CHRM3: variants seen among roughly 807,000 people sequenced by gnomAD.
CHRM3 encodes muscarinic acetylcholine receptor M3.
A neutral mutation model predicts 41.8 loss-of-function variants in CHRM3; 11 were observed. The observed-to-expected ratio is 0.26, with a 90% CI of 0.17 to 0.44. CHRM3 has a LOEUF of 0.44. Ranked by LOEUF, CHRM3 falls within the 20% of genes least tolerant of loss-of-function variation. CHRM3 has a pLI of 1.00. For missense variants in CHRM3, 571 were observed against 745.4 expected, an observed-to-expected ratio of 0.77 and a Z score of 2.72; for synonymous variants, 297 against 301.4, an observed-to-expected ratio of 0.99 and a Z score of 0.15.
chr1:239,721,607 G>T (rs1287013501), intron 5 of CHRM3, among the ~76,000 whole-genome samples: 5 of 151,824 alleles, frequency 3.3e-5, no homozygotes, highest in African/African-American at 1.2e-4. Flanking sequence ...CCCTCCTAAA[G>T]GATTGAAAAG....
chr1:239,693,407 A>C (rs556982814), intron 5 of CHRM3, among the ~76,000 whole-genome samples: 185 of 152,256 alleles, frequency 1.2e-3, no homozygotes, highest in Non-Finnish European at 2.3e-3. Flanking sequence ...AGAAGGTGGC[A>C]TTCTGCAAGC....
In CHRM3 at chr1:239,914,817, G is replaced by C. The variant is rs1680558713; in HGVS notation, c.*5593G>C. ...TGCTTGGCGTGGAAAGTTATTAGGA[G>C]ACAATCCTTTATCCTGTTCTGCAAG... is the stretch of plus-strand genomic sequence containing the variant. On this transcript the variant is annotated 3_prime_UTR_variant, in exon 7 of 7. Coordinates refer to ENST00000676153, the MANE Select transcript of CHRM3 (RefSeq NM_001375978.1). 6.0e-6 allele frequency: 1 copy of C among 166,808 alleles called. No homozygotes were observed. The highest frequency in any genetic ancestry group is 2.4e-5 in the African/African-American group (1 of 41,436). The allele number at this position is 166,808 out of a possible 1,614,324, so 10.3% of individuals were successfully genotyped here.
intron 6 of CHRM3, among the ~76,000 whole-genome samples, chr1:239,875,351 ACT>A (rs1415997390): frequency 1.4e-4 from 22 of 152,182 alleles, no homozygotes; most frequent in African/African-American, 4.6e-4. Context: ...GGACTATTCG[ACT>A]CTGTTGTAGT....
chr1:239,878,190 T>G (rs921694102), intron 6 of CHRM3, among the ~76,000 whole-genome samples: 2 of 152,052 alleles, frequency 1.3e-5, no homozygotes, highest in Non-Finnish European at 2.9e-5. Flanking sequence ...TAATATATAA[T>G]GAAATAATTA....
intron 2 of CHRM3, among the ~76,000 whole-genome samples, chr1:239,541,776 G>T (rs1658806292): frequency 6.6e-6 from 1 of 152,300 alleles, no homozygotes; most frequent in East Asian, 1.9e-4. Flanking sequence ...GCCTCCCGAA[G>T]TGTTGGGATT....
At chr1:239,677,919 C>G (rs753416326) in intron 4 of CHRM3, among the ~76,000 whole-genome samples, 1 of 152,170 alleles carries the variant, frequency 6.6e-6, no homozygotes, top group Non-Finnish European at 1.5e-5. Flanking sequence ...AAACCATAAG[C>G]TGAGGCATTT....
In CHRM3 at chr1:239,609,573, C is replaced by T. The variant is rs1054149765; in HGVS notation, c.-312-22651C>T. On this transcript the variant is annotated intron_variant, in intron 3 of 6. Transcript: ENST00000676153. ...TAAATTTTTAGGAAACTGCCAAACTCTTTTTTCAAAACGGTTATAGCATTT... is the reference window on the plus strand; with the variant it reads ...TAAATTTTTAGGAAACTGCCAAACTTTTTTTTCAAAACGGTTATAGCATTT... 3.9e-5 allele frequency among the ~76,000 whole-genome samples: 6 copies of T among 152,228 alleles called. 1 individual carries two copies. The highest frequency in any genetic ancestry group is 1.4e-4 in the African/African-American group (6 of 41,556).
intron 2 of CHRM3, among the ~76,000 whole-genome samples, chr1:239,502,212 A>G (rs1179066889): frequency 6.6e-6 from 1 of 152,194 alleles, no homozygotes; most frequent in East Asian, 1.9e-4. Context: ...AACAAGAGGG[A>G]AAATCAAAAT....
At chr1:239,829,023 T>G (rs895369604) in intron 6 of CHRM3, among the ~76,000 whole-genome samples, 1 of 152,212 alleles carries the variant, frequency 6.6e-6, no homozygotes, top group Non-Finnish European at 1.5e-5. Context: ...CTGCAGCAGG[T>G]GTGCAGACAC....
At chr1:239,611,634 T>C (rs1221565090) in intron 3 of CHRM3, among the ~76,000 whole-genome samples, 1 of 152,068 alleles carries the variant, frequency 6.6e-6, no homozygotes, top group Admixed American at 6.5e-5. Context: ...TTGGCCAGGA[T>C]GGTCTTGATC....
At chr1:239,408,533 A>AC (rs1553294735) in intron 1 of CHRM3, among the ~76,000 whole-genome samples, 1 of 151,074 alleles carries the variant, frequency 6.6e-6, no homozygotes, top group African/African-American at 2.4e-5. Context: ...AAAAAAAAAA[A>AC]AAAAAAAAAA....
rs191135095 is a variant in CHRM3, at chr1:239,838,728, G to A, written c.-20+11350G>A. On this transcript the variant is annotated intron_variant, in intron 6 of 6. Transcript: ENST00000676153. ...TTCCCATGATATGGCAGGGTCCTCC[G>A]CACATAGTTCTCATTGTACTACCAA... Among the ~76,000 whole-genome samples, 198 of 152,190 alleles carry A rather than the reference G, an allele frequency of 1.3e-3. 2 individuals carry two copies. The highest frequency in any genetic ancestry group is 2.3e-3 in the Non-Finnish European group (159 of 68,000).
At chr1:239,564,752 T>C (rs1661191204) in intron 3 of CHRM3, among the ~76,000 whole-genome samples, 1 of 152,172 alleles carries the variant, frequency 6.6e-6, no homozygotes, top group African/African-American at 2.4e-5. Context: ...GAAAACACTT[T>C]TAAGGGTATA....
chr1:239,621,544 C>CTGGATAGTGA (rs1174865690), intron 3 of CHRM3, among the ~76,000 whole-genome samples: 7 of 152,168 alleles, frequency 4.6e-5, no homozygotes, highest in Admixed American at 1.3e-4. Flanking sequence ...CCAGTGAACA[C>CTGGATAGTGA]ACAAATGATA....
At chr1:239,757,292 A>G (rs966746069) in intron 5 of CHRM3, among the ~76,000 whole-genome samples, 7 of 152,188 alleles carry the variant, frequency 4.6e-5, no homozygotes, top group African/African-American at 1.4e-4. Flanking sequence ...CTGTTTTATT[A>G]ATGAATGTGT....
intron 2 of CHRM3, among the ~76,000 whole-genome samples, chr1:239,519,549 A>G (rs1182119109): frequency 1.3e-5 from 2 of 152,142 alleles, no homozygotes; most frequent in African/African-American, 4.8e-5. Context: ...AGGCACAAGT[A>G]TTCTCTTTTT....
chr1:239,539,478 A>G (rs1658528172), intron 2 of CHRM3, among the ~76,000 whole-genome samples: 1 of 150,672 alleles, frequency 6.6e-6, no homozygotes, highest in Admixed American at 6.7e-5. Flanking sequence ...TGCAGCAATT[A>G]CTTTTGTCAC....
At chr1:239,546,938 C>T (rs1659356933) in intron 3 of CHRM3, among the ~76,000 whole-genome samples, 1 of 152,094 alleles carries the variant, frequency 6.6e-6, no homozygotes, top group South Asian at 2.1e-4. Flanking sequence ...TAGGAGAATA[C>T]AGCTAGCTTG....
At chr1:239,407,079 TTTG>T (rs767851775) in intron 1 of CHRM3, among the ~76,000 whole-genome samples, 23 of 152,192 alleles carry the variant, frequency 1.5e-4, no homozygotes, top group Non-Finnish European at 3.2e-4. Context: ...GTTTTCTTTT[TTTG>T]TTGTTGTCTC....
Sources: allele counts gnomAD v4.1 joint callset (sites outside exome capture counted in the v4.1 genomes callset), GRCh38; gene constraint gnomAD v4.1.1; transcripts MANE v1.5; gene names NCBI Gene and HGNC (gene_info 2026-07-23, HGNC 2026-07-21).